Variants in MAML2 observed in about 807,000 individuals in gnomAD.
MAML2 encodes the protein mastermind like transcriptional coactivator 2.
In MAML2, 22 loss-of-function variants were observed where a neutral mutation model predicts 96.1. The ratio of observed to expected loss-of-function variants is 0.23; its 90% CI spans 0.16 to 0.33. The LOEUF (loss-of-function observed/expected upper bound fraction) is 0.33. MAML2 is among the 10% of genes least tolerant of loss of function. The pLI is 1.00. For synonymous variants in MAML2, 561 were observed against 521.3 expected (o/e 1.08, Z -1.04); for missense variants, 1,367 against 1,392.4 (o/e 0.98, Z 0.29).
intron 1 of MAML2, among the ~76,000 whole-genome samples, chr11:96,119,488 C>A (rs1233356962): frequency 6.6e-6 from 1 of 152,166 alleles, no homozygotes; most frequent in Non-Finnish European, 1.5e-5. Context: ...CTGATTTTAG[C>A]CCAGTGAGGT....
rs556517691 is a variant in MAML2, at chr11:96,148,122, A to G, written c.514-54605T>C. 2.6e-5 allele frequency among the ~76,000 whole-genome samples: 4 copies of G among 152,330 alleles called. No homozygotes were observed. The South Asian group carries it at 8.3e-4, about 32-fold the overall frequency. ...CACACCTCATCTGTCACGTCGGGAC[A>G]TGTTAAAAGGAACCCTCTTCCCCTG... On this transcript the variant is annotated intron_variant, in intron 1 of 4. Transcript: ENST00000524717.
intron 2 of MAML2, among the ~76,000 whole-genome samples, chr11:96,000,223 G>T (rs1422687540): frequency 6.6e-6 from 1 of 152,180 alleles, no homozygotes; most frequent in Non-Finnish European, 1.5e-5. Context: ...AAACAGAAAA[G>T]GCTGAAGGGA....
intron 2 of MAML2, among the ~76,000 whole-genome samples, chr11:96,083,359 C>T (rs1469830606): frequency 1.3e-5 from 2 of 152,134 alleles, no homozygotes; most frequent in Non-Finnish European, 2.9e-5. Flanking sequence ...CTTGGAGTAT[C>T]CTCAGTGAAA....
intron 2 of MAML2, among the ~76,000 whole-genome samples, chr11:96,057,403 A>C (rs75052682): frequency 0.017 from 2,613 of 152,214 alleles, 33 homozygotes; most frequent in Non-Finnish European, 0.024. Context: ...CCATTTATCT[A>C]TCCATCTATT....
chr11:96,201,546 G>T (rs1861821730), intron 1 of MAML2, among the ~76,000 whole-genome samples: 1 of 152,220 alleles, frequency 6.6e-6, no homozygotes. Context: ...AAAAGGATTT[G>T]TGAATATATC....
At chr11:96,333,146 T>A (rs1447682761) in intron 1 of MAML2, among the ~76,000 whole-genome samples, 1 of 152,182 alleles carries the variant, frequency 6.6e-6, no homozygotes, top group East Asian at 1.9e-4. Flanking sequence ...ATTACAAATA[T>A]AACTCAGCCA....
At chr11:96,339,173 C>T (rs779699276) in intron 1 of MAML2, among the ~76,000 whole-genome samples, 18 of 152,206 alleles carry the variant, frequency 1.2e-4, no homozygotes, top group Non-Finnish European at 1.9e-4. Context: ...AGAGGGAGCT[C>T]CTCTAAGGGA....
At chr11:96,273,419 A>G (rs867212560) in intron 1 of MAML2, among the ~76,000 whole-genome samples, 36 of 152,232 alleles carry the variant, frequency 2.4e-4, no homozygotes, top group African/African-American at 8.7e-4. Context: ...ACCCCAAAAT[A>G]GTAATTTCAT....
At chr11:96,303,569 A>G (rs2135999883) in intron 1 of MAML2, among the ~76,000 whole-genome samples, 1 of 152,294 alleles carries the variant, frequency 6.6e-6, no homozygotes, top group African/African-American at 2.4e-5. Flanking sequence ...TTTTTATAAT[A>G]AAAGAAAGTA....
intron 1 of MAML2, among the ~76,000 whole-genome samples, chr11:96,179,369 C>T (rs750335146): frequency 6.6e-6 from 1 of 152,146 alleles, no homozygotes; most frequent in Admixed American, 6.5e-5. Context: ...CTTCGAGGTC[C>T]ACAGCCTTCT....
At chr11:96,035,103 C>T (rs1184265349) in intron 2 of MAML2, among the ~76,000 whole-genome samples, 1 of 151,996 alleles carries the variant, frequency 6.6e-6, no homozygotes, top group African/African-American at 2.4e-5. Flanking sequence ...GAATTTAACT[C>T]CCAAAGAAGG....
chr11:96,231,307 C>T (rs1027642944), intron 1 of MAML2, among the ~76,000 whole-genome samples: 2 of 152,062 alleles, frequency 1.3e-5, no homozygotes, highest in Admixed American at 6.5e-5. Context: ...AAAGGAAATG[C>T]GTTGTATTGA....
chr11:96,086,326 C>T (rs898367566), intron 2 of MAML2, among the ~76,000 whole-genome samples: 3 of 152,068 alleles, frequency 2.0e-5, no homozygotes, highest in Non-Finnish European at 4.4e-5. Context: ...AACAGTAATC[C>T]TGAAAAGATT....
intron 1 of MAML2, among the ~76,000 whole-genome samples, chr11:96,193,348 G>A (rs931665475): frequency 1.3e-5 from 2 of 152,164 alleles, no homozygotes; most frequent in South Asian, 2.1e-4. Flanking sequence ...CAGCCTGGGC[G>A]ACAGGGCGAG....
At chr11:96,323,536 C>G (rs1292101228) in intron 1 of MAML2, among the ~76,000 whole-genome samples, 1 of 150,784 alleles carries the variant, frequency 6.6e-6, no homozygotes, top group Non-Finnish European at 1.5e-5. Context: ...TTTGTGTCTT[C>G]AAGGAACTTA....
chr11:96,285,624 GA>G (rs972913614), intron 1 of MAML2, among the ~76,000 whole-genome samples: 3 of 151,764 alleles, frequency 2.0e-5, no homozygotes, highest in Non-Finnish European at 4.4e-5. Context: ...AAATTTGCAA[GA>G]AAAAAACCCC....
At chr11:96,307,396 G>A (rs1863479368) in intron 1 of MAML2, among the ~76,000 whole-genome samples, 2 of 152,162 alleles carry the variant, frequency 1.3e-5, no homozygotes, top group Admixed American at 1.3e-4. Flanking sequence ...TGTATGAAAA[G>A]TATATTCCTT....
intron 2 of MAML2, among the ~76,000 whole-genome samples, chr11:96,053,388 T>C (rs995313709): frequency 1.7e-4 from 26 of 151,910 alleles, no homozygotes; most frequent in Admixed American, 5.2e-4. Context: ...CAAAAGAAAA[T>C]AGAGGTACTG....
intron 1 of MAML2, among the ~76,000 whole-genome samples, chr11:96,121,259 T>A (rs1860335846): frequency 1.3e-5 from 2 of 152,274 alleles, no homozygotes; most frequent in South Asian, 4.1e-4. Context: ...TGGTCTCAGA[T>A]CTTGGTCAGA....
Sources: gnomAD v4.1 joint callset for allele counts (sites outside exome capture counted in the v4.1 genomes callset) on GRCh38, gnomAD v4.1.1 for gene constraint, MANE v1.5 for transcripts, NCBI Gene and HGNC (gene_info 2026-07-23, HGNC 2026-07-21) for gene names.